Variants in ERCC6L2 observed in about 807,000 individuals in gnomAD.
ERCC6L2 encodes ERCC excision repair 6 like 2, also known as DNA excision repair protein ERCC-6-like 2.
Under a neutral mutation model 132.0 loss-of-function variants are expected in ERCC6L2, and 77 were observed. The observed-to-expected ratio is 0.58, with a 90% CI of 0.49 to 0.71. The LOEUF (loss-of-function observed/expected upper bound fraction) is 0.71, where lower values mean the gene tolerates loss of function less well. ERCC6L2 is among the 30% of genes least tolerant of loss of function. The pLI is 0.00. For missense variants in ERCC6L2, 1,542 were observed against 1,837.6 expected (o/e 0.84, Z 2.94); for synonymous variants, 583 against 632.4 (o/e 0.92, Z 1.17).
At chr9:96,035,061 C>T (rs1323550422) in intron 19 of ERCC6L2, among the ~76,000 whole-genome samples, 1 of 152,182 alleles carries the variant, frequency 6.6e-6, no homozygotes, top group African/African-American at 2.4e-5. Context: ...ATCTCCTCTA[C>T]CACACCCCCC....
intron 11 of ERCC6L2, among the ~76,000 whole-genome samples, chr9:95,934,098 G>A (rs1830458219): frequency 6.6e-6 from 1 of 152,124 alleles, no homozygotes; most frequent in Admixed American, 6.5e-5. Context: ...GCAATGCAAA[G>A]CCTCAGAGGA....
Position 95,971,970 on chromosome 9 carries a change from A to G in ERCC6L2, c.2219A>G (p.Glu740Gly). ...GACTGTCAGGAATGCAGAGGTACAG[A>G]ACAAGCTGCAGAGCCACTGGCAAAG... ...QPDCQECRGT[E>G]QAAEPLAKEA... Residue 740 changes from glutamate to glycine, a missense_variant, in exon 16 of 19, where the codon GAA (glutamate) becomes GGA (glycine). Physicochemically the swap from Glu to Gly is moderately conservative, Grantham distance 98. Transcript: ENST00000653738. The G allele has an allele frequency of 7.7e-7, 1 of 1,304,054 alleles. No individual in the cohort carries two copies. The highest frequency in any genetic ancestry group is 1.0e-6 in the Non-Finnish European group (1 of 988,874). The allele number at this position is 1,304,054 out of a possible 1,614,324, so 80.8% of individuals were successfully genotyped here.
Position 96,014,928 on chromosome 9 carries a change from A to G in ERCC6L2, c.*1725A>G, listed in dbSNP as rs1315987239. 6.6e-6 allele frequency among the ~76,000 whole-genome samples: 1 copy of G among 152,076 alleles called. No homozygotes were observed. The highest frequency in any genetic ancestry group is 1.5e-5 in the Non-Finnish European group (1 of 68,026). ...GATACCACTTCATTTCAGTTTATATACAAGACAATGTAGTTCAAACATTTT... is the reference window on the plus strand; with the variant it reads ...GATACCACTTCATTTCAGTTTATATGCAAGACAATGTAGTTCAAACATTTT... On this transcript the variant is annotated 3_prime_UTR_variant, in exon 19 of 19. Coordinates refer to ENST00000653738, the MANE Select transcript of ERCC6L2 (RefSeq NM_020207.7).
chr9:95,939,273 C>G (rs988705741), intron 11 of ERCC6L2, among the ~76,000 whole-genome samples: 1 of 151,224 alleles, frequency 6.6e-6, no homozygotes, highest in African/African-American at 2.4e-5. Flanking sequence ...TAGTTCCAAG[C>G]CTTATTCTGC....
chr9:95,973,079 A>C lies in ERCC6L2; in HGVS notation c.3328A>C (p.Lys1110Gln), dbSNP rs1287527428. ...NQEQSYESMDKFLDGVQEVAY... is the reference protein window; with the variant it reads ...NQEQSYESMDQFLDGVQEVAY... ...AGAGCAGTCGTATGAATCAATGGAT[A>C]AATTTTTAGGTAACTAAAGACACAT... is the stretch of plus-strand genomic sequence containing the variant. Residue 1110 changes from lysine (K) to glutamine (Q), a missense_variant, in exon 16 of 19, where the codon AAA becomes CAA. Around this residue, in one of 4 missense-constraint regions of ERCC6L2, gnomAD observed 442 missense variants for 583.4 expected, o/e 0.76. Transcript: ENST00000653738. The C allele has an allele frequency of 7.5e-7, 1 of 1,334,126 alleles. No homozygotes were observed. Among genetic ancestry groups the C allele is most frequent in the Admixed American group, 2.2e-5 (1 of 44,998 alleles). The allele number at this position is 1,334,126 out of a possible 1,614,324, so 82.6% of individuals were successfully genotyped here.
chr9:95,972,558 C>T lies in ERCC6L2; in HGVS notation c.2807C>T (p.Thr936Ile), dbSNP rs1832466152. 1 of 1,289,520 alleles carries T rather than the reference C, an allele frequency of 7.8e-7. No individual in the cohort carries two copies. Among genetic ancestry groups the T allele is most frequent in the Non-Finnish European group, 1.0e-6 (1 of 988,806 alleles). The allele number at this position is 1,289,520 out of a possible 1,614,324, so 79.9% of individuals were successfully genotyped here. Residue 936 changes from threonine (T) to isoleucine (I), a missense_variant, in exon 16 of 19, where the codon ACT becomes ATT. Physicochemically the swap from Thr to Ile is moderately conservative, Grantham distance 89. Coordinates refer to ENST00000653738, the MANE Select transcript of ERCC6L2 (RefSeq NM_020207.7). ...TCTGAGGATTCTGAAACAGAACACA[C>T]TGTAAAAACAAGAAATAATGATAAT... ...EGSEDSETEH[T>I]VKTRNNDNSR...
At chr9:95,988,655 T>C (rs1386796279) in intron 17 of ERCC6L2, among the ~76,000 whole-genome samples, 1 of 152,142 alleles carries the variant, frequency 6.6e-6, no homozygotes, top group Non-Finnish European at 1.5e-5. Context: ...GGAAAAAAAA[T>C]CACCCTGTTT....
At chr9:95,930,740 T>G (rs1830297974) in intron 11 of ERCC6L2, among the ~76,000 whole-genome samples, 1 of 152,202 alleles carries the variant, frequency 6.6e-6, no homozygotes, top group Non-Finnish European at 1.5e-5. Flanking sequence ...GTCTTCTTCT[T>G]TCTTGGTTTG....
downstream of ERCC6L2, chr9:96,020,763 G>T (rs752351773): frequency 1.1e-5 from 5 of 456,788 alleles, no homozygotes; most frequent in South Asian, 7.7e-5. Context: ...CAAACTGTGG[G>T]GATGGGGAGT....
chr9:95,965,852 A>C (rs981213865), intron 13 of ERCC6L2, among the ~76,000 whole-genome samples: 2 of 152,158 alleles, frequency 1.3e-5, no homozygotes, highest in African/African-American at 4.8e-5. Flanking sequence ...CAGTGGGCTG[A>C]AGTTATTTTC....
chr9:95,960,671 C>A (rs1486502763), intron 13 of ERCC6L2, among the ~76,000 whole-genome samples: 1 of 152,148 alleles, frequency 6.6e-6, no homozygotes, highest in East Asian at 1.9e-4. Context: ...CTGCCAACAC[C>A]TTGATTTCAG....
chr9:96,015,025 T>TTTTG lies in ERCC6L2; in HGVS notation c.*1825_*1826insGTTT, dbSNP rs1554763603. 4.8e-5 allele frequency among the ~76,000 whole-genome samples: 6 copies of TTTTG among 126,028 alleles called. 1 individual carries two copies. The highest frequency in any genetic ancestry group is 2.0e-4 in the African/African-American group (6 of 30,280). The allele number at this position is 126,028 out of a possible 152,430, so 82.7% of individuals were successfully genotyped here. A position where few individuals can be genotyped will look rare whatever the true frequency, so the allele number is the denominator to read the frequency against. On this transcript the variant is annotated 3_prime_UTR_variant, in exon 19 of 19. Coordinates refer to ENST00000653738, the MANE Select transcript of ERCC6L2 (RefSeq NM_020207.7). ...CTTCATATATGTACAGTTTTTTTTT[T>TTTTG]TTTTTTTTTTTTTTTGAGATTGAGT...
In ERCC6L2 at chr9:95,907,251, A is replaced by T; in HGVS notation, c.768A>T (p.Leu256Phe). Residue 256 changes from leucine to phenylalanine, a missense_variant, in exon 4 of 19, where the codon TTA (leucine) becomes TTT (phenylalanine). Physicochemically the swap from Leu to Phe is conservative, Grantham distance 22 (BLOSUM62 0). Coordinates refer to ENST00000653738, the MANE Select transcript of ERCC6L2 (RefSeq NM_020207.7). ...IALTTYETLRLCLDELNSLEW... is the reference protein window; with the variant it reads ...IALTTYETLRFCLDELNSLEW... ...TAACAACTTATGAAACACTACGCTT[A>T]TGCCTGGATGAACTTAACAGGTAAT... 1 of 1,610,282 alleles carries T rather than the reference A, an allele frequency of 6.2e-7. No homozygotes were observed. The highest frequency in any genetic ancestry group is 8.5e-7 in the Non-Finnish European group (1 of 1,178,500).
At chr9:95,902,877 A>T (rs1194379066) in intron 3 of ERCC6L2, among the ~76,000 whole-genome samples, 1 of 152,082 alleles carries the variant, frequency 6.6e-6, no homozygotes, top group African/African-American at 2.4e-5. Context: ...GTCCTTAACG[A>T]TATATCCTGG....
At chr9:96,006,712 T>C (rs954842370) in intron 18 of ERCC6L2, among the ~76,000 whole-genome samples, 31 of 152,086 alleles carry the variant, frequency 2.0e-4, no homozygotes, top group Admixed American at 2.0e-3. Context: ...CAGGCCACGC[T>C]CTGGCCTTTG....
chr9:95,928,902 A>C (rs60094504), intron 11 of ERCC6L2, 38 bp downstream of exon 11: 1 of 1,389,090 alleles, frequency 7.2e-7, no homozygotes, highest in South Asian at 1.6e-5. Context: ...TTTTTATCCA[A>C]TTGTTTTTGA....
intron 17 of ERCC6L2, among the ~76,000 whole-genome samples, chr9:95,985,173 C>G (rs527718879): frequency 6.6e-5 from 10 of 152,164 alleles, no homozygotes; most frequent in African/African-American, 2.2e-4. Flanking sequence ...ATGTGGTATA[C>G]CTGTCACTGT....
downstream of ERCC6L2, among the ~76,000 whole-genome samples, chr9:96,022,995 T>C (rs889470288): frequency 1.3e-5 from 2 of 152,172 alleles, no homozygotes; most frequent in Non-Finnish European, 2.9e-5. Context: ...TTCCTTTACA[T>C]GTGAATGAGT....
intron 17 of ERCC6L2, among the ~76,000 whole-genome samples, chr9:95,989,468 A>G (rs543520507): frequency 4.6e-5 from 7 of 152,362 alleles, no homozygotes; most frequent in African/African-American, 1.7e-4. Flanking sequence ...TCTATTTCAC[A>G]ATATCACAGT....
Sources: allele counts gnomAD v4.1 joint callset (sites outside exome capture counted in the v4.1 genomes callset), GRCh38; gene constraint gnomAD v4.1.1; regional missense constraint gnomAD v4.1.1; transcripts MANE v1.5; gene names NCBI Gene and HGNC (gene_info 2026-07-23, HGNC 2026-07-21).